Variants in EPHA3 observed in about 807,000 individuals in gnomAD.
EPHA3 encodes the protein EPH receptor A3.
In EPHA3, 42 loss-of-function variants were observed where a neutral mutation model predicts 107.1. The observed-to-expected ratio is 0.39, with a 90% CI of 0.31 to 0.51. The LOEUF is 0.51. EPHA3 is among the 20% of genes least tolerant of loss of function. The probability of loss-of-function intolerance (pLI) is 0.78; values close to 1 mark genes in which losing one functional copy is unlikely to be tolerated. For synonymous variants in EPHA3, 461 were observed against 424.8 expected (o/e 1.09, Z -1.05); for missense variants, 1,183 against 1,211.2 (o/e 0.98, Z 0.35).
intron 3 of EPHA3, among the ~76,000 whole-genome samples, chr3:89,316,505 A>AATATATATATATATATATAT (rs58576798): frequency 5.1e-4 from 53 of 104,120 alleles, no homozygotes; most frequent in Admixed American, 1.1e-3. Flanking sequence ...GTGTGTGTGT[A>AATATATATATATATATATAT]ATATATATAT....
chr3:89,143,760 A>T (rs1253456719), intron 2 of EPHA3, among the ~76,000 whole-genome samples: 1 of 151,604 alleles, frequency 6.6e-6, no homozygotes, highest in Admixed American at 6.6e-5. Context: ...TTCAGATTTC[A>T]CTATATTTTC....
intron 1 of EPHA3, among the ~76,000 whole-genome samples, chr3:89,121,530 G>C (rs138706071): frequency 0.023 from 3,525 of 152,164 alleles, 132 homozygotes; most frequent in African/African-American, 0.079. Context: ...AGGCCAAGGC[G>C]TGCGGATCAT....
rs753130827 is a variant in EPHA3, at chr3:89,449,327, G to T, written c.2449G>T (p.Val817Leu). ...VWSYGIVLWEVMSYGERPYWE... is the reference protein window; with the variant it reads ...VWSYGIVLWELMSYGERPYWE... ...GAGTTATGGGATTGTTCTCTGGGAG[G>T]TGATGTCTTATGGAGAGAGACCATA... The change falls in exon 14 of 17, where the codon GTG becomes TTG. Residue 817 changes from valine (V) to leucine (L), a missense_variant. Val to Leu is a conservative substitution (Grantham distance 32). Transcript: ENST00000336596. The T allele has an allele frequency of 6.2e-7, 1 of 1,610,362 alleles. No individual in the cohort carries two copies. The highest frequency in any genetic ancestry group is 2.2e-5 in the East Asian group (1 of 44,800).
rs201608977 is a variant in EPHA3, at chr3:89,164,931, TCAAA to T, written c.153+37671_153+37674del. ...ACACAGAGACAACTTGTAGTACTAC[TCAAA>T]CAAACAAACAAAAATCTTTCAATGC... On this transcript the variant is annotated intron_variant, in intron 2 of 16. Coordinates refer to ENST00000336596, the MANE Select transcript of EPHA3 (RefSeq NM_005233.6). Among the ~76,000 whole-genome samples the T allele has an allele frequency of 2.4e-4, 36 of 152,264 alleles. No individual in the cohort carries two copies. The East Asian group carries it at 6.4e-3, about 27-fold the overall frequency.
intron 13 of EPHA3, among the ~76,000 whole-genome samples, chr3:89,437,923 A>AT (rs1162649958): frequency 1.3e-5 from 2 of 151,776 alleles, no homozygotes; most frequent in East Asian, 1.9e-4. Context: ...CCATTATTCG[A>AT]TTTTTTTCTT....
intron 5 of EPHA3, among the ~76,000 whole-genome samples, chr3:89,353,296 C>T (rs866353711): frequency 6.6e-6 from 1 of 151,186 alleles, no homozygotes; most frequent in African/African-American, 2.4e-5. Flanking sequence ...TGAAGGTAGA[C>T]ATTTTTCAGC....
At chr3:89,398,802 T>C (rs1036370687) in intron 6 of EPHA3, among the ~76,000 whole-genome samples, 3 of 152,156 alleles carry the variant, frequency 2.0e-5, no homozygotes, top group African/African-American at 4.8e-5. Flanking sequence ...AATATTCAAA[T>C]TGGGAAATTC....
chr3:89,270,355 C>T (rs1452118883), intron 3 of EPHA3, among the ~76,000 whole-genome samples: 1 of 152,036 alleles, frequency 6.6e-6, no homozygotes, highest in African/African-American at 2.4e-5. Context: ...TTTCCAGCCT[C>T]CTTCTGCCAG....
intron 3 of EPHA3, among the ~76,000 whole-genome samples, chr3:89,236,681 T>C (rs569940464): frequency 6.6e-6 from 1 of 151,890 alleles, no homozygotes; most frequent in South Asian, 2.1e-4. Context: ...TGTATACATA[T>C]GTAACTAACC....
intron 5 of EPHA3, among the ~76,000 whole-genome samples, chr3:89,360,438 A>G (rs2107457192): frequency 6.6e-6 from 1 of 151,158 alleles, no homozygotes; most frequent in African/African-American, 2.4e-5. Context: ...AAGGATCACT[A>G]AACCACAGGC....
chr3:89,227,176 A>G (rs536460742), intron 3 of EPHA3, among the ~76,000 whole-genome samples: 3 of 152,156 alleles, frequency 2.0e-5, no homozygotes, highest in South Asian at 4.1e-4. Context: ...TAAACATATC[A>G]TTTCTACATT....
intron 5 of EPHA3, among the ~76,000 whole-genome samples, chr3:89,348,093 C>T (rs945723484): frequency 6.7e-6 from 1 of 148,792 alleles, no homozygotes; most frequent in Non-Finnish European, 1.5e-5. Context: ...GGTTGTATCT[C>T]TGCCCGGCTT....
At chr3:89,148,637 T>A (rs1312093995) in intron 2 of EPHA3, among the ~76,000 whole-genome samples, 1 of 151,994 alleles carries the variant, frequency 6.6e-6, no homozygotes, top group Non-Finnish European at 1.5e-5. Flanking sequence ...GGAGCCTGTA[T>A]AACTTTCAGA....
chr3:89,253,010 C>T lies in EPHA3; in HGVS notation c.814+42490C>T, dbSNP rs182233923. Among the ~76,000 whole-genome samples the T allele has an allele frequency of 9.6e-4, 146 of 151,960 alleles. 1 individual carries two copies. The Middle Eastern group carries it at 0.01, about 11-fold the overall frequency. On this transcript the variant is annotated intron_variant, in intron 3 of 16. Transcript: ENST00000336596. ...TCTCTGCCCCCAACTTAGTCATTCTCCATTGCCAGAGGCTGTTTAGTTATT... is the reference window on the plus strand; with the variant it reads ...TCTCTGCCCCCAACTTAGTCATTCTTCATTGCCAGAGGCTGTTTAGTTATT...
chr3:89,200,854 A>C (rs1188358541), intron 2 of EPHA3, among the ~76,000 whole-genome samples: 1 of 152,102 alleles, frequency 6.6e-6, no homozygotes, highest in Admixed American at 6.5e-5. Context: ...AAGTGTTCCC[A>C]GTCTGAGTGA....
intron 13 of EPHA3, among the ~76,000 whole-genome samples, chr3:89,432,498 G>C (rs557750918): frequency 1.3e-5 from 2 of 151,882 alleles, no homozygotes; most frequent in African/African-American, 2.4e-5. Flanking sequence ...TGATTCTCCC[G>C]GGCTCAAGTG....
At chr3:89,224,731 C>T (rs1431990594) in intron 3 of EPHA3, among the ~76,000 whole-genome samples, 1 of 151,934 alleles carries the variant, frequency 6.6e-6, no homozygotes, top group Non-Finnish European at 1.5e-5. Context: ...CATCTGTAAT[C>T]CCAGCTACTC....
At chr3:89,427,488 A>G (rs1473783813) in intron 11 of EPHA3, among the ~76,000 whole-genome samples, 1 of 151,870 alleles carries the variant, frequency 6.6e-6, no homozygotes, top group Non-Finnish European at 1.5e-5. Flanking sequence ...AACATCTGTT[A>G]TTTGCTTATG....
At chr3:89,184,012 G>A (rs1705503752) in intron 2 of EPHA3, among the ~76,000 whole-genome samples, 1 of 151,360 alleles carries the variant, frequency 6.6e-6, no homozygotes, top group Non-Finnish European at 1.5e-5. Flanking sequence ...AGTATTTTGT[G>A]TTTTTTTTAA....
Sources: allele counts gnomAD v4.1 joint callset (sites outside exome capture counted in the v4.1 genomes callset), GRCh38; gene constraint gnomAD v4.1.1; transcripts MANE v1.5; gene names NCBI Gene and HGNC (gene_info 2026-07-23, HGNC 2026-07-21).